Variants in CNTNAP2 observed in about 807,000 individuals in gnomAD.
CNTNAP2 encodes the protein contactin associated protein 2.
CNTNAP2 carries 98 observed loss-of-function variants against 155.2 expected under a neutral mutation model. The ratio of observed to expected loss-of-function variants is 0.63; its 90% CI spans 0.54 to 0.75. The LOEUF (loss-of-function observed/expected upper bound fraction) is 0.75. CNTNAP2 is among the 30% of genes least tolerant of loss of function. The pLI is 0.00. For synonymous variants in CNTNAP2, 651 were observed against 631.2 expected (o/e 1.03, Z -0.47); for missense variants, 1,727 against 1,688.1 (o/e 1.02, Z -0.40).
intron 4 of CNTNAP2, among the ~76,000 whole-genome samples, chr7:147,065,436 G>C (rs147095409): frequency 6.6e-6 from 1 of 152,226 alleles, no homozygotes; most frequent in Non-Finnish European, 1.5e-5. Flanking sequence ...AGAAATTGGG[G>C]CAGTGTAATT....
At chr7:148,209,372 G>A (rs537510926) in intron 18 of CNTNAP2, among the ~76,000 whole-genome samples, 32 of 145,468 alleles carry the variant, frequency 2.2e-4, no homozygotes, top group African/African-American at 4.6e-4. Flanking sequence ...GGGCTCAAGC[G>A]ACCCTCCTGC....
chr7:146,996,627 T>C (rs1302549995), intron 3 of CNTNAP2, among the ~76,000 whole-genome samples: 3 of 152,140 alleles, frequency 2.0e-5, no homozygotes, highest in African/African-American at 7.2e-5. Flanking sequence ...TTTAGAGTTT[T>C]CTATAAAACG....
chr7:146,796,776 G>T (rs1452188650), intron 2 of CNTNAP2, among the ~76,000 whole-genome samples: 1 of 151,894 alleles, frequency 6.6e-6, no homozygotes, highest in Non-Finnish European at 1.5e-5. Flanking sequence ...ACTTTGTGGG[G>T]ATTACATAAG....
chr7:146,770,394 G>A (rs141258420), intron 1 of CNTNAP2, among the ~76,000 whole-genome samples: 49 of 151,808 alleles, frequency 3.2e-4, no homozygotes, highest in African/African-American at 1.2e-3. Flanking sequence ...GCAAAATGCA[G>A]TGTAAGATCT....
Position 147,176,604 on chromosome 7 carries a change from T to C in CNTNAP2, c.1348+44095T>C, listed in dbSNP as rs1167421698. ...CAAGATAGATTATATCTTATATACATATGTATAATATACTTACATACACAC... is the reference window on the plus strand; with the variant it reads ...CAAGATAGATTATATCTTATATACACATGTATAATATACTTACATACACAC... On this transcript the variant is annotated intron_variant, in intron 8 of 23. Transcript: ENST00000361727. Among the ~76,000 whole-genome samples the C allele has an allele frequency of 5.5e-5, 8 of 144,920 alleles. No individual in the cohort carries two copies. The East Asian group carries it at 1.6e-3, about 29-fold the overall frequency.
rs1563042716 is a variant in CNTNAP2, at chr7:148,326,069, G to C, written c.3476-57580G>C. On this transcript the variant is annotated intron_variant, in intron 21 of 23. Transcript: ENST00000361727. ...ACTGCAAATTACTGCCACGTGGGGA[G>C]CTTTTAAAAACCTGCAGACACCCAA... 3.3e-5 allele frequency among the ~76,000 whole-genome samples: 5 copies of C among 151,886 alleles called. No individual in the cohort carries two copies. The East Asian group carries it at 9.6e-4, about 29-fold the overall frequency.
At chr7:147,916,257 A>G (rs911835841) in intron 14 of CNTNAP2, among the ~76,000 whole-genome samples, 8 of 152,188 alleles carry the variant, frequency 5.3e-5, no homozygotes, top group African/African-American at 1.9e-4. Flanking sequence ...ATGATGTATT[A>G]TATACTGTCT....
chr7:146,306,358 T>G (rs1035530045), intron 1 of CNTNAP2, among the ~76,000 whole-genome samples: 16 of 152,032 alleles, frequency 1.1e-4, no homozygotes, highest in African/African-American at 3.4e-4. Flanking sequence ...ACTATTCCAA[T>G]CAATAGAAAA....
At chr7:147,507,672 C>G (rs1429580349) in intron 11 of CNTNAP2, among the ~76,000 whole-genome samples, 9 of 151,220 alleles carry the variant, frequency 6.0e-5, no homozygotes, top group Admixed American at 5.9e-4. Flanking sequence ...CCTGCCTCAG[C>G]CTCCCGAGTA....
chr7:146,517,685 G>A (rs1476617017), intron 1 of CNTNAP2, among the ~76,000 whole-genome samples: 2 of 151,876 alleles, frequency 1.3e-5, no homozygotes, highest in African/African-American at 4.8e-5. Context: ...TGGCAGGTTT[G>A]TAAAGAAAGG....
chr7:146,121,554 G>T (rs1797563676), intron 1 of CNTNAP2, among the ~76,000 whole-genome samples: 1 of 152,050 alleles, frequency 6.6e-6, no homozygotes, highest in Non-Finnish European at 1.5e-5. Context: ...GTACTTTAAA[G>T]ATTTTCCCAT....
chr7:147,081,984 C>A (rs1364220407), intron 4 of CNTNAP2: 1 of 151,914 alleles, frequency 6.6e-6, no homozygotes, highest in Non-Finnish European at 1.5e-5. Flanking sequence ...TTTTTTGGAT[C>A]CGAATAATAA....
chr7:146,750,581 A>G (rs1801886087), intron 1 of CNTNAP2, among the ~76,000 whole-genome samples: 1 of 152,104 alleles, frequency 6.6e-6, no homozygotes, highest in Non-Finnish European at 1.5e-5. Flanking sequence ...GCAGGTTGCT[A>G]TTGCCTACCT....
At chr7:147,839,249 C>G (rs992463039) in intron 13 of CNTNAP2, among the ~76,000 whole-genome samples, 1 of 152,152 alleles carries the variant, frequency 6.6e-6, no homozygotes, top group African/African-American at 2.4e-5. Context: ...ATGTTAGTCT[C>G]CTTTGGCAGC....
intron 10 of CNTNAP2, among the ~76,000 whole-genome samples, chr7:147,444,497 CG>C: frequency 6.8e-6 from 1 of 147,138 alleles, no homozygotes; most frequent in South Asian, 2.2e-4. Context: ...AATTTCATAA[CG>C]TATTTCTTTT....
chr7:146,819,302 G>A (rs1403495062), intron 2 of CNTNAP2, among the ~76,000 whole-genome samples: 1 of 152,100 alleles, frequency 6.6e-6, no homozygotes, highest in Non-Finnish European at 1.5e-5. Flanking sequence ...CAGATTCCAT[G>A]ACTGGGAAAT....
intron 13 of CNTNAP2, among the ~76,000 whole-genome samples, chr7:147,881,212 G>A (rs1799514930): frequency 6.6e-6 from 1 of 152,140 alleles, no homozygotes; most frequent in Admixed American, 6.5e-5. Context: ...TTTGTTGAAA[G>A]GCCAAAGAGT....
At chr7:146,749,986 G>A (rs926342774) in intron 1 of CNTNAP2, among the ~76,000 whole-genome samples, 1 of 152,096 alleles carries the variant, frequency 6.6e-6, no homozygotes, top group African/African-American at 2.4e-5. Context: ...TGAGCCATGG[G>A]TTTCCTTTTA....
At chr7:148,174,221 T>G (rs367702991) in intron 18 of CNTNAP2, among the ~76,000 whole-genome samples, 31 of 152,368 alleles carry the variant, frequency 2.0e-4, no homozygotes, top group Middle Eastern at 3.4e-3. Flanking sequence ...ATGAGCATCC[T>G]TCTGAGTCAA....
Sources: gnomAD v4.1 joint callset for allele counts (sites outside exome capture counted in the v4.1 genomes callset) on GRCh38, gnomAD v4.1.1 for gene constraint, MANE v1.5 for transcripts, NCBI Gene and HGNC (gene_info 2026-07-23, HGNC 2026-07-21) for gene names.